ARMH4: variants seen among roughly 807,000 people sequenced by gnomAD.
ARMH4 encodes the protein armadillo like helical domain containing 4.
ARMH4 carries 49 observed loss-of-function variants against 61.9 expected under a neutral mutation model. The ratio of observed to expected loss-of-function variants is 0.79; its 90% CI spans 0.63 to 1.00. The LOEUF is 1.00. Ranked by LOEUF, ARMH4 falls within the 50% of genes least tolerant of loss-of-function variation. The pLI, the probability that ARMH4 is intolerant of heterozygous loss-of-function variation, is 0.00. For missense variants in ARMH4, 934 were observed against 930.0 expected (o/e 1.00, Z -0.06); for synonymous variants, 368 against 341.5 (o/e 1.08, Z -0.85).
At chr14:58,105,317 G>A (rs1886135140) in intron 4 of ARMH4, among the ~76,000 whole-genome samples, 1 of 152,100 alleles carries the variant, frequency 6.6e-6, no homozygotes, top group South Asian at 2.1e-4. Flanking sequence ...ATAAGAATGG[G>A]GTCAAGGTAA....
chr14:58,010,520 A>G (rs574432019), intron 6 of ARMH4, among the ~76,000 whole-genome samples: 79 of 152,214 alleles, frequency 5.2e-4, no homozygotes, highest in African/African-American at 1.8e-3. Flanking sequence ...TCTTCTTACA[A>G]TTTTTTTAAT....
intron 4 of ARMH4, among the ~76,000 whole-genome samples, chr14:58,097,657 C>T (rs962326465): frequency 6.6e-6 from 1 of 151,756 alleles, no homozygotes; most frequent in Non-Finnish European, 1.5e-5. Flanking sequence ...TAAGAGTTAA[C>T]ATTCACAATT....
chr14:58,059,380 A>G (rs1373365145), intron 5 of ARMH4, among the ~76,000 whole-genome samples: 1 of 152,268 alleles, frequency 6.6e-6, no homozygotes, highest in Admixed American at 6.5e-5. Context: ...GTGCAACCCC[A>G]GACAGTGATA....
At chr14:58,008,838 T>C (rs1301461013) in intron 6 of ARMH4, among the ~76,000 whole-genome samples, 1 of 152,246 alleles carries the variant, frequency 6.6e-6, no homozygotes, top group Admixed American at 6.5e-5. Flanking sequence ...GTCTGGGCCA[T>C]GCATTTTCTG....
chr14:58,122,497 C>G (rs1384922512), intron 4 of ARMH4, among the ~76,000 whole-genome samples: 2 of 152,068 alleles, frequency 1.3e-5, no homozygotes, highest in Non-Finnish European at 2.9e-5. Flanking sequence ...CAGCTACAGA[C>G]ATTAGAAAAA....
chr14:58,146,081 C>T (rs1429238297), intron 1 of ARMH4, among the ~76,000 whole-genome samples: 1 of 152,230 alleles, frequency 6.6e-6, no homozygotes, highest in African/African-American at 2.4e-5. Context: ...CATCTGCAAC[C>T]ATATTTTGAA....
chr14:58,086,629 T>A (rs1269629660), intron 5 of ARMH4, among the ~76,000 whole-genome samples: 2 of 152,156 alleles, frequency 1.3e-5, no homozygotes, highest in Non-Finnish European at 2.9e-5. Flanking sequence ...CCAACTGTGC[T>A]TGAAAATTTC....
At chr14:58,102,639 G>A (rs929880835) in intron 4 of ARMH4, among the ~76,000 whole-genome samples, 5 of 146,726 alleles carry the variant, frequency 3.4e-5, no homozygotes, top group South Asian at 2.2e-4. Flanking sequence ...GTGAAACCCC[G>A]TCTCTACTAA....
rs1287801974 is a variant in ARMH4 at position 58,139,113 on chromosome 14, C to T, written c.246G>A (p.Ser82=). Residue 82 remains serine (S), a synonymous_variant, in exon 2 of 8, where the codon TCG becomes TCA. Transcript: ENST00000267485. ...EDPMMMSAVP[S]ATSLNKAFSI... is the part of the protein sequence containing the mutation. ...AGAATGCTTTATTTAATGATGTTGCCGATGGTACTGCTGACATCATCATTG... is the reference window on the plus strand; with the variant it reads ...AGAATGCTTTATTTAATGATGTTGCTGATGGTACTGCTGACATCATCATTG... The T allele has an allele frequency of 6.2e-6, 10 of 1,614,038 alleles. No individual in the cohort carries two copies. Among genetic ancestry groups the T allele is most frequent in the Middle Eastern group, 1.6e-4 (1 of 6,084 alleles).
Position 58,004,041 on chromosome 14 carries a change from C to T in ARMH4, c.*695G>A, listed in dbSNP as rs1437832475. The T allele has an allele frequency of 6.6e-6, 1 of 152,174 alleles. No individual in the cohort carries two copies. Among genetic ancestry groups the T allele is most frequent in the African/African-American group, 2.4e-5 (1 of 41,440 alleles). The allele number at this position is 152,174 out of a possible 1,614,324, so 9.4% of individuals were successfully genotyped here. A position where few individuals can be genotyped will look rare whatever the true frequency, so the allele number is the denominator to read the frequency against. ...TTGGACTCAATCACACTATTTAAGA[C>T]AGCAAACGTACATTAAGACTAAGAG... On this transcript the variant is annotated 3_prime_UTR_variant, in exon 8 of 8. Transcript: ENST00000267485.
chr14:58,086,498 C>A (rs1235030589), intron 5 of ARMH4, among the ~76,000 whole-genome samples: 1 of 152,074 alleles, frequency 6.6e-6, no homozygotes, highest in African/African-American at 2.4e-5. Flanking sequence ...TGACAGAAAA[C>A]CCTCAGTACC....
chr14:58,017,469 T>C (rs1882657729), intron 5 of ARMH4, among the ~76,000 whole-genome samples: 1 of 152,054 alleles, frequency 6.6e-6, no homozygotes, highest in Non-Finnish European at 1.5e-5. Context: ...CATGCACAAA[T>C]CAAGCATTTC....
chr14:58,015,536 T>A (rs903105701), intron 5 of ARMH4, among the ~76,000 whole-genome samples: 3 of 152,152 alleles, frequency 2.0e-5, no homozygotes, highest in African/African-American at 7.2e-5. Flanking sequence ...TTAATAAGTA[T>A]TTTTCCTTCT....
rs1882654536 is a variant in ARMH4, at chr14:58,017,381, T to G, written c.2090-5231A>C. ...TGACATAATCTTATTTGTATAAAAATGTAAAACTAAAAACTCCACCAAAAA... is the reference window on the plus strand; with the variant it reads ...TGACATAATCTTATTTGTATAAAAAGGTAAAACTAAAAACTCCACCAAAAA... On this transcript the variant is annotated intron_variant, in intron 5 of 7. Transcript: ENST00000267485. Among the ~76,000 whole-genome samples, 3 of 152,090 alleles carry G rather than the reference T, an allele frequency of 2.0e-5. No homozygotes were observed. The South Asian group carries it at 6.2e-4, about 31-fold the overall frequency.
intron 5 of ARMH4, among the ~76,000 whole-genome samples, chr14:58,044,776 AC>A (rs1317303388): frequency 2.6e-5 from 4 of 152,236 alleles, no homozygotes; most frequent in African/African-American, 4.8e-5. Flanking sequence ...CAAGAAAAAA[AC>A]AACCCCATCA....
intron 4 of ARMH4, among the ~76,000 whole-genome samples, chr14:58,102,245 G>T (rs1250645789): frequency 6.6e-6 from 1 of 152,152 alleles, no homozygotes; most frequent in Non-Finnish European, 1.5e-5. Flanking sequence ...AGAAAGGAAA[G>T]CAAGAGAGGC....
intron 5 of ARMH4, among the ~76,000 whole-genome samples, chr14:58,014,142 A>G (rs560454483): frequency 6.6e-6 from 1 of 152,280 alleles, no homozygotes; most frequent in South Asian, 2.1e-4. Flanking sequence ...TGCTCCTTCA[A>G]GTTGAAAATG....
chr14:58,062,900 G>A (rs1300821298), intron 5 of ARMH4, among the ~76,000 whole-genome samples: 2 of 152,192 alleles, frequency 1.3e-5, no homozygotes, highest in Non-Finnish European at 2.9e-5. Context: ...CCATGAAGGG[G>A]AGAAGAGAAG....
At chr14:58,127,303 G>C (rs1389969986) in intron 4 of ARMH4, among the ~76,000 whole-genome samples, 2 of 152,112 alleles carry the variant, frequency 1.3e-5, no homozygotes, top group African/African-American at 4.8e-5. Flanking sequence ...ACTGAATCAT[G>C]GGGGTGGGTC....
Sources: gnomAD v4.1 joint callset for allele counts (sites outside exome capture counted in the v4.1 genomes callset) on GRCh38, gnomAD v4.1.1 for gene constraint, MANE v1.5 for transcripts, NCBI Gene and HGNC (gene_info 2026-07-23, HGNC 2026-07-21) for gene names.